Variants in UBE2E2 observed in about 807,000 individuals in gnomAD.
UBE2E2 encodes ubiquitin conjugating enzyme E2 E2.
UBE2E2 carries 6 observed loss-of-function variants against 24.7 expected under a neutral mutation model. That is an observed-to-expected ratio of 0.24 (90% CI 0.13 to 0.48). The LOEUF (loss-of-function observed/expected upper bound fraction) is 0.48. Ranked by LOEUF, UBE2E2 falls within the 20% of genes least tolerant of loss-of-function variation. The pLI is 0.99. For synonymous variants in UBE2E2, 104 were observed against 83.6 expected, an observed-to-expected ratio of 1.24 and a Z score of -1.33; for missense variants, 169 against 245.0, an observed-to-expected ratio of 0.69 and a Z score of 2.07.
At position 23,343,440 on chromosome 3, in the gene UBE2E2, G is replaced by C. The variant is rs11916447; in HGVS notation, c.227+126128G>C. ...AAAATACAAAAATTAGCTGGGTGTC[G>C]TGGCACTCACCTGTAGTCCCATCTA... is the stretch of plus-strand genomic sequence containing the variant. On this transcript the variant is annotated intron_variant, in intron 3 of 5. Transcript: ENST00000396703. Among the ~76,000 whole-genome samples, 126 of 151,752 alleles carry C rather than the reference G, an allele frequency of 8.3e-4. No homozygotes were observed. The Middle Eastern group carries it at 0.02, about 25-fold the overall frequency.
intron 3 of UBE2E2, among the ~76,000 whole-genome samples, chr3:23,380,173 G>T (rs1280474177): frequency 6.8e-6 from 1 of 148,000 alleles, no homozygotes. Context: ...CTATACTCTT[G>T]TGGTAGTGAC....
At chr3:23,359,723 A>G (rs1220212052) in intron 3 of UBE2E2, among the ~76,000 whole-genome samples, 3 of 152,154 alleles carry the variant, frequency 2.0e-5, no homozygotes, top group East Asian at 3.9e-4. Context: ...TATTTTTTAT[A>G]TAATTAATAA....
At chr3:23,269,610 A>G (rs1698176411) in intron 3 of UBE2E2, among the ~76,000 whole-genome samples, 1 of 152,228 alleles carries the variant, frequency 6.6e-6, no homozygotes, top group Non-Finnish European at 1.5e-5. Context: ...ACTGTCATGC[A>G]AAAGGCCAGT....
intron 3 of UBE2E2, among the ~76,000 whole-genome samples, chr3:23,275,426 A>G (rs2125367116): frequency 6.6e-6 from 1 of 152,246 alleles, no homozygotes; most frequent in Middle Eastern, 3.4e-3. Context: ...CAGTAGATTG[A>G]CTCAAGATAA....
intron 3 of UBE2E2, among the ~76,000 whole-genome samples, chr3:23,345,392 A>G (rs1380580148): frequency 1.3e-5 from 2 of 152,222 alleles, no homozygotes; most frequent in Non-Finnish European, 2.9e-5. Context: ...AATATAATAG[A>G]TTCAATACAA....
intron 3 of UBE2E2, among the ~76,000 whole-genome samples, chr3:23,373,804 T>C (rs575500928): frequency 2.2e-4 from 33 of 152,178 alleles, no homozygotes; most frequent in Non-Finnish European, 4.1e-4. Context: ...GTTTGGATGG[T>C]AAATTATATG....
chr3:23,489,298 C>T (rs1051837520), intron 3 of UBE2E2, among the ~76,000 whole-genome samples: 4 of 151,778 alleles, frequency 2.6e-5, no homozygotes, highest in Admixed American at 2.0e-4. Context: ...TCAGTGGGAG[C>T]CCTGAGCTTG....
At chr3:23,490,562 T>C (rs565076223) in intron 3 of UBE2E2, among the ~76,000 whole-genome samples, 222 of 152,218 alleles carry the variant, frequency 1.5e-3, no homozygotes, top group African/African-American at 5.1e-3. Context: ...TATCCACACA[T>C]TGGGAAAATT....
rs1222506303 is a variant in UBE2E2 at position 23,280,413 on chromosome 3, A to G, written c.227+63101A>G. Reference sequence around the variant, plus strand: ...AAGTGTTGACATGGATCAGGATCACACTGGTGCCACTTTAACTGGAAAGTT... The same window carrying G: ...AAGTGTTGACATGGATCAGGATCACGCTGGTGCCACTTTAACTGGAAAGTT... On this transcript the variant is annotated intron_variant, in intron 3 of 5. Transcript: ENST00000396703. This position sits in a 1 kb window ranked among gnomAD's most constrained non-coding sequence, Gnocchi z 4.3. 1.3e-5 allele frequency among the ~76,000 whole-genome samples: 2 copies of G among 152,222 alleles called. No individual in the cohort carries two copies. The highest frequency in any genetic ancestry group is 4.8e-5 in the African/African-American group (2 of 41,448).
intron 3 of UBE2E2, among the ~76,000 whole-genome samples, chr3:23,347,117 T>C (rs1443745423): frequency 2.0e-5 from 3 of 152,332 alleles, no homozygotes; most frequent in Non-Finnish European, 2.9e-5. Flanking sequence ...GACTGTAAAC[T>C]AGTTCAACCA....
chr3:23,357,236 GT>G (rs1575583894), intron 3 of UBE2E2, among the ~76,000 whole-genome samples: 2 of 152,160 alleles, frequency 1.3e-5, no homozygotes, highest in East Asian at 3.8e-4. Context: ...GCAGTGTAAG[GT>G]TTTTGTGGTG....
chr3:23,456,494 CTT>C (rs1423807327), intron 3 of UBE2E2, among the ~76,000 whole-genome samples: 1 of 152,162 alleles, frequency 6.6e-6, no homozygotes, highest in African/African-American at 2.4e-5. Flanking sequence ...CAAAATTACT[CTT>C]TGGTTTATGG....
chr3:23,523,144 C>T (rs1227345179), intron 4 of UBE2E2, among the ~76,000 whole-genome samples: 2 of 152,018 alleles, frequency 1.3e-5, no homozygotes, highest in African/African-American at 4.8e-5. Flanking sequence ...AGGTATGTTC[C>T]AGAAACATTC....
intron 3 of UBE2E2, among the ~76,000 whole-genome samples, chr3:23,256,941 A>T (rs1232769426): frequency 1.3e-5 from 2 of 152,166 alleles, no homozygotes; most frequent in Non-Finnish European, 2.9e-5. Context: ...GCATGTTTTG[A>T]TGGAACACCA....
chr3:23,484,431 C>G (rs1193360732), intron 3 of UBE2E2, among the ~76,000 whole-genome samples: 5 of 152,062 alleles, frequency 3.3e-5, no homozygotes, highest in Non-Finnish European at 5.9e-5. Flanking sequence ...AGAAGCTCAC[C>G]TACCAGGAAA....
intron 3 of UBE2E2, among the ~76,000 whole-genome samples, chr3:23,288,385 T>C (rs1015863518): frequency 1.3e-5 from 2 of 152,226 alleles, no homozygotes; most frequent in Admixed American, 6.5e-5. Flanking sequence ...AAATGTGTAT[T>C]CTGCAGCCGT....
rs1366573224 is a variant in UBE2E2, at chr3:23,355,348, A to C, written c.227+138036A>C. Among the ~76,000 whole-genome samples the C allele has an allele frequency of 2.6e-5, 4 of 152,286 alleles. No homozygotes were observed. In the East Asian group the frequency reaches 7.7e-4, roughly 29 times the overall value. ...TACATACGTAACCTGTACATTGTGCACATGTACCCTAAAACTTAAAGTATA... is the reference window on the plus strand; with the variant it reads ...TACATACGTAACCTGTACATTGTGCCCATGTACCCTAAAACTTAAAGTATA... On this transcript the variant is annotated intron_variant, in intron 3 of 5. Coordinates refer to ENST00000396703, the MANE Select transcript of UBE2E2 (RefSeq NM_152653.4).
chr3:23,494,492 C>G (rs1699564217), intron 3 of UBE2E2, among the ~76,000 whole-genome samples: 1 of 152,008 alleles, frequency 6.6e-6, no homozygotes, highest in African/African-American at 2.4e-5. Flanking sequence ...TTCAATTTGC[C>G]CTAGCCACAT....
intron 5 of UBE2E2, among the ~76,000 whole-genome samples, chr3:23,580,649 A>G (rs1696455284): frequency 6.6e-6 from 1 of 152,206 alleles, no homozygotes; most frequent in South Asian, 2.1e-4. Flanking sequence ...GCAATGATAG[A>G]GATATGAACA....
Sources: allele counts gnomAD v4.1 joint callset (sites outside exome capture counted in the v4.1 genomes callset), GRCh38; gene constraint gnomAD v4.1.1; non-coding constraint Gnocchi (gnomAD v3.1); transcripts MANE v1.5; gene names NCBI Gene and HGNC (gene_info 2026-07-23, HGNC 2026-07-21).